MARCHF10: variants seen among roughly 807,000 people sequenced by gnomAD.
The protein encoded by MARCHF10 is membrane associated ring-CH-type finger 10.
Under a neutral mutation model 76.2 loss-of-function variants are expected in MARCHF10, and 64 were observed. The ratio of observed to expected loss-of-function variants is 0.84; its 90% CI spans 0.69 to 1.03. The LOEUF is 1.03. Among genes scored for constraint, MARCHF10 ranks in the 50% least tolerant of loss-of-function variants. The pLI, the probability that MARCHF10 is intolerant of heterozygous loss-of-function variation, is 0.00. For synonymous variants in MARCHF10, 340 were observed against 357.5 expected, an observed-to-expected ratio of 0.95 and a Z score of 0.55; for missense variants, 875 against 958.0, an observed-to-expected ratio of 0.91 and a Z score of 1.14.
intron 2 of MARCHF10, 143 bp downstream of exon 2, chr17:62,801,503 T>G (rs957409511): frequency 1.9e-6 from 1 of 530,550 alleles, no homozygotes; most frequent in East Asian, 3.4e-5. Context: ...AGAGGTGAAG[T>G]GGCTTTTGCT....
chr17:62,701,964 G>A (rs1301986237), intron 10 of MARCHF10, among the ~76,000 whole-genome samples: 1 of 152,160 alleles, frequency 6.6e-6, no homozygotes, highest in Non-Finnish European at 1.5e-5. Flanking sequence ...TGGGGTTTCA[G>A]CCACACCAGC....
In MARCHF10 at chr17:62,804,607, T is replaced by C. The variant is rs80160305; in HGVS notation, c.-17-2855A>G. On this transcript the variant is annotated intron_variant, in intron 1 of 10. Coordinates refer to ENST00000311269, the MANE Select transcript of MARCHF10 (RefSeq NM_152598.4). ...GGAGGGCTGCAGAAGGTTGCGTAAA[T>C]GGGAGGCAAAGGCGTGGAGATCATG... 2.4e-4 allele frequency among the ~76,000 whole-genome samples: 36 copies of C among 152,154 alleles called. No homozygotes were observed. The East Asian group carries it at 6.8e-3, about 29-fold the overall frequency.
At chr17:62,716,523 C>G (rs1474225324) in intron 8 of MARCHF10, among the ~76,000 whole-genome samples, 1 of 151,832 alleles carries the variant, frequency 6.6e-6, no homozygotes, top group Non-Finnish European at 1.5e-5. Flanking sequence ...ATCCCTTGAA[C>G]CCAGGAGGGA....
intron 4 of MARCHF10, among the ~76,000 whole-genome samples, chr17:62,755,122 G>T (rs753893137): frequency 2.6e-5 from 4 of 152,138 alleles, no homozygotes; most frequent in Non-Finnish European, 5.9e-5. Flanking sequence ...GACTAACATT[G>T]CACCCAATAA....
chr17:62,725,410 C>T (rs2090709997), intron 6 of MARCHF10, among the ~76,000 whole-genome samples: 1 of 152,158 alleles, frequency 6.6e-6, no homozygotes, highest in African/African-American at 2.4e-5. Context: ...ATTACAGGTG[C>T]ATGCCACCAC....
intron 9 of MARCHF10, among the ~76,000 whole-genome samples, chr17:62,708,424 T>G (rs1166117444): frequency 6.6e-6 from 1 of 152,102 alleles, no homozygotes. Context: ...TTTTGTATTT[T>G]TAGTAGAGAC....
chr17:62,788,511 G>A lies in MARCHF10; in HGVS notation c.179C>T (p.Ser60Phe). Residue 60 changes from serine to phenylalanine, a missense_variant, in exon 3 of 11, where the codon TCC (serine) becomes TTC (phenylalanine). Physicochemically the swap from Ser to Phe is radical, Grantham distance 155. Transcript: ENST00000311269. ...GGAAGATGACCTGCTAGAAAACCGG[G>A]ATCTCTCAAAACTTGTCTCTTGCCC... Reference protein sequence around the residue: ...FWGQETSFERSRFSSRSSSKQ... With the variant: ...FWGQETSFERFRFSSRSSSKQ... The A allele has an allele frequency of 6.2e-7, 1 of 1,614,056 alleles. No homozygotes were observed. Among genetic ancestry groups the A allele is most frequent in the Non-Finnish European group, 8.5e-7 (1 of 1,180,016 alleles).
intron 5 of MARCHF10, among the ~76,000 whole-genome samples, chr17:62,742,191 T>C (rs1335402638): frequency 1.3e-5 from 2 of 151,808 alleles, no homozygotes; most frequent in Non-Finnish European, 2.9e-5. Context: ...AGCTAATTTT[T>C]GTATTTTCTG....
At chr17:62,760,742 C>T (rs2092178310) in intron 3 of MARCHF10, among the ~76,000 whole-genome samples, 1 of 152,218 alleles carries the variant, frequency 6.6e-6, no homozygotes, top group South Asian at 2.1e-4. Flanking sequence ...GATTTAAGTA[C>T]AGCCTGATGG....
chr17:62,701,803 C>G, intron 10 of MARCHF10, 45 bp from the exon 11 acceptor site: 1 of 1,612,794 alleles, frequency 6.2e-7, no homozygotes, highest in Non-Finnish European at 8.5e-7. Context: ...CGCAGCAGAC[C>G]GTGGGTCTGT....
At chr17:62,740,390 T>G (rs2091462766) in intron 5 of MARCHF10, among the ~76,000 whole-genome samples, 1 of 152,202 alleles carries the variant, frequency 6.6e-6, no homozygotes, top group African/African-American at 2.4e-5. Context: ...TGCCTTCGAC[T>G]TCTTGGTGTG....
At chr17:62,747,302 T>C (rs1176981023) in intron 4 of MARCHF10, among the ~76,000 whole-genome samples, 2 of 152,134 alleles carry the variant, frequency 1.3e-5, no homozygotes, top group Non-Finnish European at 2.9e-5. Context: ...TAAAAGGTTA[T>C]TTAATTTGTT....
At chr17:62,709,397 C>A (rs145429833) in intron 9 of MARCHF10, among the ~76,000 whole-genome samples, 3,415 of 152,224 alleles carry the variant, frequency 0.022, 66 homozygotes, top group African/African-American at 0.047. Context: ...ATCACTGGAA[C>A]CCGGGAGGCA....
rs1016299280 is a variant in MARCHF10 at position 62,808,260 on chromosome 17, C to A, written c.-201G>T. ...CCCTCTTCCTCCTCCTTCCCCGAGG[C>A]TGCTTTCCGCGGCGCCGGCCGGCCT... is the stretch of plus-strand genomic sequence containing the variant. On this transcript the variant is annotated 5_prime_UTR_variant, in exon 1 of 11. Transcript: ENST00000311269. 6.6e-6 allele frequency: 1 copy of A among 152,620 alleles called. No individual in the cohort carries two copies. The highest frequency in any genetic ancestry group is 2.4e-5 in the African/African-American group (1 of 41,486). The allele number at this position is 152,620 out of a possible 1,614,324, so 9.5% of individuals were successfully genotyped here.
At chr17:62,807,361 G>C (rs1384768473) in intron 1 of MARCHF10, among the ~76,000 whole-genome samples, 1 of 151,612 alleles carries the variant, frequency 6.6e-6, no homozygotes, top group Non-Finnish European at 1.5e-5. Flanking sequence ...TGGCTTAAGA[G>C]TTGGGGGCGG....
At chr17:62,793,135 A>T in intron 2 of MARCHF10, among the ~76,000 whole-genome samples, 1 of 134,078 alleles carries the variant, frequency 7.5e-6, no homozygotes, top group Non-Finnish European at 1.6e-5. Context: ...CACCACAACC[A>T]TCACCACCAT....
intron 2 of MARCHF10, among the ~76,000 whole-genome samples, chr17:62,799,198 T>C (rs1420625972): frequency 6.6e-6 from 1 of 152,214 alleles, no homozygotes; most frequent in African/African-American, 2.4e-5. Flanking sequence ...CCTCTCCATC[T>C]ATCAGCAAGA....
At position 62,801,760 on chromosome 17, in the gene MARCHF10, G is replaced by T; in HGVS notation, c.-17-8C>A. ...TGATTCCTAATCCCTGACCTGCACA[G>T]AAAAGATAAACAAATGTGCTGTGTT... On this transcript the variant is annotated splice_polypyrimidine_tract_variant and splice_region_variant and intron_variant, in intron 1 of 10. Transcript: ENST00000311269. 6.3e-7 allele frequency: 1 copy of T among 1,592,436 alleles called. No homozygotes were observed. The highest frequency in any genetic ancestry group is 8.6e-7 in the Non-Finnish European group (1 of 1,160,330).
intron 1 of MARCHF10, 98 bp from the exon 2 acceptor site, chr17:62,801,850 C>T (rs1030474388): frequency 1.1e-6 from 1 of 900,956 alleles, no homozygotes. Flanking sequence ...TTTGTGTATT[C>T]ATCTAATTTC....
Sources: gnomAD v4.1 joint callset for allele counts (sites outside exome capture counted in the v4.1 genomes callset) on GRCh38, gnomAD v4.1.1 for gene constraint, MANE v1.5 for transcripts, NCBI Gene and HGNC (gene_info 2026-07-23, HGNC 2026-07-21) for gene names.